Variants in INTS9 observed in about 807,000 individuals in gnomAD.
INTS9 encodes the protein integrator complex subunit 9.
In INTS9, 55 loss-of-function variants were observed where a neutral mutation model predicts 79.7. That is an observed-to-expected ratio of 0.69 (90% CI 0.56 to 0.86). The LOEUF is 0.86. INTS9 is among the 40% of genes least tolerant of loss of function. INTS9 has a pLI of 0.00. For missense variants in INTS9, 721 were observed against 831.5 expected, an observed-to-expected ratio of 0.87 and a Z score of 1.64; for synonymous variants, 319 against 325.2, an observed-to-expected ratio of 0.98 and a Z score of 0.20.
intron 10 of INTS9, among the ~76,000 whole-genome samples, chr8:28,792,068 C>T (rs1803948229): frequency 1.3e-5 from 2 of 152,128 alleles, no homozygotes; most frequent in African/African-American, 4.8e-5. Flanking sequence ...ATAAGTGAGG[C>T]TGCAGTTATT....
chr8:28,811,450 C>T (rs1805136206), intron 8 of INTS9, among the ~76,000 whole-genome samples: 1 of 148,354 alleles, frequency 6.7e-6, no homozygotes, highest in African/African-American at 2.5e-5. Flanking sequence ...GAGGCATAAT[C>T]TCACTCTGTT....
chr8:28,797,724 G>T (rs575606390), intron 8 of INTS9, among the ~76,000 whole-genome samples: 3 of 152,278 alleles, frequency 2.0e-5, no homozygotes, highest in South Asian at 4.1e-4. Flanking sequence ...AGTTCATAAA[G>T]GTTTCCATCT....
At chr8:28,803,856 C>G (rs933923398) in intron 8 of INTS9, among the ~76,000 whole-genome samples, 8 of 152,100 alleles carry the variant, frequency 5.3e-5, no homozygotes, top group African/African-American at 1.4e-4. Flanking sequence ...AATAAGATGT[C>G]TATTATAACT....
At chr8:28,840,708 C>T (rs1338936489) in intron 4 of INTS9, among the ~76,000 whole-genome samples, 10 of 145,102 alleles carry the variant, frequency 6.9e-5, no homozygotes, top group South Asian at 2.2e-4. Flanking sequence ...AACCAAACAC[C>T]GCATATTCTC....
chr8:28,789,348 G>A (rs1803793235), intron 10 of INTS9, among the ~76,000 whole-genome samples: 1 of 152,168 alleles, frequency 6.6e-6, no homozygotes, highest in South Asian at 2.1e-4. Flanking sequence ...CTCTGCTCTA[G>A]AATCCTCATG....
intron 1 of INTS9, among the ~76,000 whole-genome samples, chr8:28,886,238 T>C (rs1810168135): frequency 6.6e-6 from 1 of 152,178 alleles, no homozygotes; most frequent in African/African-American, 2.4e-5. Flanking sequence ...CCAATAACCT[T>C]AAAAACTTTT....
At chr8:28,825,655 T>C (rs1806103788) in intron 6 of INTS9, among the ~76,000 whole-genome samples, 1 of 152,182 alleles carries the variant, frequency 6.6e-6, no homozygotes, top group Admixed American at 6.5e-5. Context: ...AAAAAGAGGC[T>C]TTGGTCACTT....
chr8:28,867,187 C>T (rs756821575), intron 1 of INTS9, among the ~76,000 whole-genome samples: 7 of 152,084 alleles, frequency 4.6e-5, no homozygotes, highest in Admixed American at 1.3e-4. Context: ...CTTTGGGAGG[C>T]CAAGGCGGGT....
rs750163507 is a variant in INTS9, at chr8:28,780,952, C to T, written c.1141G>A (p.Gly381Arg). Reference protein sequence around the residue: ...NKLKHYPSIHGDFSNDFRQPC... With the variant: ...NKLKHYPSIHRDFSNDFRQPC... ...TGTCTAAAGTCGTTGCTGAAGTCTC[C>T]GTGGATGCTGGGGTAGTGCTTCAGC... Residue 381 changes from glycine to arginine, a missense_variant, in exon 12 of 17, where the codon GGA becomes AGA. Physicochemically the swap from Gly to Arg is moderately radical, Grantham distance 125. Transcript: ENST00000521022. The T allele has an allele frequency of 8.1e-6, 13 of 1,613,928 alleles. No individual in the cohort carries two copies. Among genetic ancestry groups the T allele is most frequent in the African/African-American group, 8.0e-5 (6 of 74,864 alleles).
At chr8:28,785,320 GCA>G (rs1334763251) in intron 11 of INTS9, among the ~76,000 whole-genome samples, 1 of 152,144 alleles carries the variant, frequency 6.6e-6, no homozygotes, top group Admixed American at 6.5e-5. Context: ...ACTGGTTTTA[GCA>G]CCCACTGGTG....
chr8:28,830,938 G>A (rs1350394189), intron 6 of INTS9, among the ~76,000 whole-genome samples: 1 of 152,056 alleles, frequency 6.6e-6, no homozygotes, highest in Non-Finnish European at 1.5e-5. Flanking sequence ...CCACCAGGTG[G>A]GCAAATATAT....
intron 1 of INTS9, among the ~76,000 whole-genome samples, chr8:28,888,332 C>T (rs1294853006): frequency 6.6e-6 from 1 of 152,100 alleles, no homozygotes; most frequent in East Asian, 1.9e-4. Context: ...TGGGCAGATA[C>T]CTTGAACCCA....
At position 28,793,905 on chromosome 8, in the gene INTS9, A is replaced by T. The variant is rs1226264900; in HGVS notation, c.939T>A (p.Tyr313Ter). The change falls in exon 10 of 17, where the codon TAT becomes TAA. Residue 313 changes from tyrosine (Y) to a stop codon, truncating the protein, a stop_gained. Coordinates refer to ENST00000521022, the MANE Select transcript of INTS9 (RefSeq NM_018250.4). LOFTEE classifies it high-confidence loss of function. ...GVIYDLLECL[Y>*]QYIDSAGLSS... ...AAAGCCCGGCTGAGTCGATGTACTG[A>T]TATAGGCACTCCAGGAGGTCATAGA... 1 of 1,613,960 alleles carries T rather than the reference A, an allele frequency of 6.2e-7. No individual in the cohort carries two copies. Among genetic ancestry groups the T allele is most frequent in the Non-Finnish European group, 8.5e-7 (1 of 1,179,966 alleles).
intron 1 of INTS9, among the ~76,000 whole-genome samples, chr8:28,864,450 A>T (rs1164294814): frequency 6.6e-6 from 1 of 152,246 alleles, no homozygotes; most frequent in Non-Finnish European, 1.5e-5. Flanking sequence ...ATTGGTGAGC[A>T]AATAAATTGG....
chr8:28,837,651 G>A lies in INTS9; in HGVS notation c.387C>T (p.Thr129=), dbSNP rs753483650. The A allele has an allele frequency of 2.4e-5, 39 of 1,613,024 alleles. No individual in the cohort carries two copies. The highest frequency in any genetic ancestry group is 3.2e-5 in the Non-Finnish European group (38 of 1,179,908). Residue 129 remains threonine, a synonymous_variant, in exon 5 of 17, where the codon ACC becomes ACT. Coordinates refer to ENST00000521022, the MANE Select transcript of INTS9 (RefSeq NM_018250.4). ...FTGTVYATEP[T]VQIGRLLMEE... The stretch of plus-strand genomic sequence containing the variant: ...AACCCTCTCACCTGCCGATCTGGAC[G>A]GTGGGTTCCGTGGCATACACTGTGC...
At chr8:28,883,132 T>C (rs934037780) in intron 1 of INTS9, among the ~76,000 whole-genome samples, 2 of 152,206 alleles carry the variant, frequency 1.3e-5, no homozygotes, top group Non-Finnish European at 2.9e-5. Context: ...CTGGGGAGTA[T>C]AGGGGATTTC....
intron 1 of INTS9, among the ~76,000 whole-genome samples, chr8:28,866,591 T>G (rs1362459209): frequency 2.6e-5 from 4 of 152,196 alleles, no homozygotes. Context: ...AGTTTCTTGG[T>G]TATCAATCTT....
intron 10 of INTS9, 21 bp downstream of exon 10, chr8:28,793,786 A>AG: frequency 2.6e-6 from 4 of 1,526,346 alleles, no homozygotes; most frequent in Non-Finnish European, 3.5e-6. Context: ...TCACAAAAAA[A>AG]AAAAAAAACC....
chr8:28,841,282 C>A (rs1439139765), intron 4 of INTS9, among the ~76,000 whole-genome samples: 1 of 152,176 alleles, frequency 6.6e-6, no homozygotes, highest in Non-Finnish European at 1.5e-5. Flanking sequence ...GTCCTACTCT[C>A]CACTACCTCC....
Sources: gnomAD v4.1 joint callset for allele counts (sites outside exome capture counted in the v4.1 genomes callset) on GRCh38, gnomAD v4.1.1 for gene constraint, MANE v1.5 for transcripts, NCBI Gene and HGNC (gene_info 2026-07-23, HGNC 2026-07-21) for gene names.